Variants in LHFPL3 observed in about 807,000 individuals in gnomAD.
LHFPL3 encodes LHFPL tetraspan subfamily member 3.
LHFPL3 carries 5 observed loss-of-function variants against 19.3 expected under a neutral mutation model. That is an observed-to-expected ratio of 0.26 (90% CI 0.14 to 0.54). LHFPL3 has a LOEUF of 0.54. Ranked by LOEUF, LHFPL3 falls within the 20% of genes least tolerant of loss-of-function variation. The pLI is 0.94. For missense variants in LHFPL3, 249 were observed against 307.4 expected (o/e 0.81, Z 1.42); for synonymous variants, 133 against 126.2 (o/e 1.05, Z -0.36).
chr7:104,385,996 G>A (rs558007057), intron 1 of LHFPL3, among the ~76,000 whole-genome samples: 2 of 151,858 alleles, frequency 1.3e-5, no homozygotes, highest in African/African-American at 4.8e-5. Flanking sequence ...TTAACCAAAG[G>A]CTTACAAAAA....
At chr7:104,478,552 A>G (rs1003751543) in intron 1 of LHFPL3, among the ~76,000 whole-genome samples, 27 of 152,172 alleles carry the variant, frequency 1.8e-4, no homozygotes, top group African/African-American at 6.5e-4. Flanking sequence ...GCTCATCTTC[A>G]TCCATCTGTG....
At chr7:104,557,767 C>G (rs560482273) in intron 1 of LHFPL3, among the ~76,000 whole-genome samples, 1 of 150,466 alleles carries the variant, frequency 6.6e-6, no homozygotes, top group African/African-American at 2.5e-5. Flanking sequence ...CATGCTGGTG[C>G]GCTGCACCCA....
chr7:104,697,941 A>G (rs1410209218), intron 1 of LHFPL3, among the ~76,000 whole-genome samples: 1 of 152,192 alleles, frequency 6.6e-6, no homozygotes, highest in African/African-American at 2.4e-5. Context: ...TTAAATTATT[A>G]TCTTTACCAT....
At chr7:104,542,128 G>A (rs564151065) in intron 1 of LHFPL3, among the ~76,000 whole-genome samples, 16 of 152,026 alleles carry the variant, frequency 1.1e-4, no homozygotes, top group Middle Eastern at 3.4e-3. Flanking sequence ...CAGAAGAGCC[G>A]AGAGTGTCAC....
At chr7:104,662,404 T>A (rs1188783549) in intron 1 of LHFPL3, among the ~76,000 whole-genome samples, 1 of 152,198 alleles carries the variant, frequency 6.6e-6, no homozygotes, top group Non-Finnish European at 1.5e-5. Flanking sequence ...AGGACCCAAG[T>A]ATGCAAGTGC....
chr7:104,529,286 C>A (rs1171923937), intron 1 of LHFPL3, among the ~76,000 whole-genome samples: 1 of 152,124 alleles, frequency 6.6e-6, no homozygotes, highest in Admixed American at 6.6e-5. Context: ...ACCTCAAACA[C>A]CAGATTTCTC....
intron 1 of LHFPL3, among the ~76,000 whole-genome samples, chr7:104,381,757 T>C (rs1446600483): frequency 6.6e-6 from 1 of 152,202 alleles, no homozygotes; most frequent in Non-Finnish European, 1.5e-5. Flanking sequence ...ATTTACATTC[T>C]ACCAAAAACA....
chr7:104,338,584 T>C (rs1789884036), intron 1 of LHFPL3, among the ~76,000 whole-genome samples: 1 of 152,186 alleles, frequency 6.6e-6, no homozygotes, highest in Non-Finnish European at 1.5e-5. Flanking sequence ...TTGTGGAAGA[T>C]TTATACAAGT....
chr7:104,532,702 A>G (rs1794325114), intron 1 of LHFPL3, among the ~76,000 whole-genome samples: 1 of 151,968 alleles, frequency 6.6e-6, no homozygotes, highest in Admixed American at 6.6e-5. Context: ...GGCCATCTCT[A>G]TTTCTTTCTC....
chr7:104,599,583 T>C (rs1403198219), intron 1 of LHFPL3, among the ~76,000 whole-genome samples: 1 of 152,222 alleles, frequency 6.6e-6, no homozygotes, highest in Non-Finnish European at 1.5e-5. Context: ...TCTGAGCACC[T>C]TTTATATTGC....
chr7:104,408,921 A>G (rs914322782), intron 1 of LHFPL3, among the ~76,000 whole-genome samples: 12 of 139,234 alleles, frequency 8.6e-5, no homozygotes, highest in African/African-American at 2.7e-4. Flanking sequence ...CTGGAGTGCA[A>G]TGGCGCGATC....
chr7:104,656,450 C>G (rs1281631200), intron 1 of LHFPL3, among the ~76,000 whole-genome samples: 1 of 152,158 alleles, frequency 6.6e-6, no homozygotes, highest in Non-Finnish European at 1.5e-5. Context: ...TGCTGACTTC[C>G]TGCTCACAGC....
At chr7:104,853,842 G>A (rs890185329) in intron 2 of LHFPL3, among the ~76,000 whole-genome samples, 3 of 152,082 alleles carry the variant, frequency 2.0e-5, no homozygotes, top group African/African-American at 7.2e-5. Flanking sequence ...TCTATACAAT[G>A]TTAGAGGTGA....
chr7:104,849,225 C>G (rs1377758500), intron 2 of LHFPL3, among the ~76,000 whole-genome samples: 1 of 152,196 alleles, frequency 6.6e-6, no homozygotes, highest in African/African-American at 2.4e-5. Flanking sequence ...GCCACTGTGC[C>G]CAGCCAACTC....
At chr7:104,770,068 C>G (rs1794525919) in intron 2 of LHFPL3, among the ~76,000 whole-genome samples, 1 of 152,014 alleles carries the variant, frequency 6.6e-6, no homozygotes, top group South Asian at 2.1e-4. Context: ...TCCCAAACCC[C>G]CATTTACCTT....
At chr7:104,352,391 T>C (rs1342337376) in intron 1 of LHFPL3, among the ~76,000 whole-genome samples, 1 of 152,172 alleles carries the variant, frequency 6.6e-6, no homozygotes, top group East Asian at 1.9e-4. Flanking sequence ...AATAAGAACT[T>C]CATAAATATT....
At chr7:104,616,622 C>A (rs1212212581) in intron 1 of LHFPL3, among the ~76,000 whole-genome samples, 2 of 152,022 alleles carry the variant, frequency 1.3e-5, no homozygotes, top group Non-Finnish European at 2.9e-5. Context: ...GCAACAAAAG[C>A]CAAAATTGAC....
At chr7:104,663,691 A>G (rs976942818) in intron 1 of LHFPL3, among the ~76,000 whole-genome samples, 7 of 152,222 alleles carry the variant, frequency 4.6e-5, no homozygotes, top group African/African-American at 7.2e-5. Context: ...GGGAAACTAC[A>G]TATCTTATGC....
intron 1 of LHFPL3, among the ~76,000 whole-genome samples, chr7:104,483,646 C>G (rs1486102840): frequency 6.6e-6 from 1 of 152,106 alleles, no homozygotes; most frequent in Non-Finnish European, 1.5e-5. Context: ...GATACAGGGT[C>G]TCACTCTCAC....
Sources: allele counts gnomAD v4.1 joint callset (sites outside exome capture counted in the v4.1 genomes callset), GRCh38; gene constraint gnomAD v4.1.1; transcripts MANE v1.5; gene names NCBI Gene and HGNC (gene_info 2026-07-23, HGNC 2026-07-21).